IMMP2L: variants seen among roughly 807,000 people sequenced by gnomAD.
The protein encoded by IMMP2L is inner mitochondrial membrane peptidase subunit 2.
A neutral mutation model predicts 19.3 loss-of-function variants in IMMP2L; 18 were observed. That is an observed-to-expected ratio of 0.93 (90% CI 0.64 to 1.38). IMMP2L has a LOEUF of 1.38. Among genes scored for constraint, IMMP2L ranks in the 40% most tolerant of loss-of-function variants. The probability of loss-of-function intolerance (pLI) is 0.00; values close to 1 mark genes in which losing one functional copy is unlikely to be tolerated. For synonymous variants in IMMP2L, 76 were observed against 73.0 expected (o/e 1.04, Z -0.21); for missense variants, 233 against 218.2 (o/e 1.07, Z -0.43).
chr7:111,227,798 A>G lies in IMMP2L; in HGVS notation c.239+259440T>C, dbSNP rs114730560. Among the ~76,000 whole-genome samples the G allele has an allele frequency of 5.5e-3, 839 of 152,296 alleles. 13 individuals carry two copies. Among genetic ancestry groups the G allele is most frequent in the African/African-American group, 0.018 (769 of 41,572 alleles). On this transcript the variant is annotated intron_variant, in intron 3 of 5. Transcript: ENST00000405709. ...TTATCAATAAAGAATTCCTAGAAACAGAATTCTGGCATCTACAAAAAATAT... is the reference window on the plus strand; with the variant it reads ...TTATCAATAAAGAATTCCTAGAAACGGAATTCTGGCATCTACAAAAAATAT...
At chr7:110,672,048 C>T (rs1791958518) in intron 5 of IMMP2L, among the ~76,000 whole-genome samples, 2 of 151,996 alleles carry the variant, frequency 1.3e-5, no homozygotes, top group Middle Eastern at 3.2e-3. Context: ...AAAAGATTTT[C>T]AGAACTTGTA....
intron 3 of IMMP2L, chr7:111,483,488 C>T (rs1399518868): frequency 6.6e-6 from 1 of 152,014 alleles, no homozygotes; most frequent in African/African-American, 2.4e-5. Flanking sequence ...TTTTGTGCAA[C>T]CAATAATGTT....
At chr7:111,336,685 T>C (rs1370098964) in intron 3 of IMMP2L, among the ~76,000 whole-genome samples, 1 of 152,056 alleles carries the variant, frequency 6.6e-6, no homozygotes, top group African/African-American at 2.4e-5. Context: ...AATTTCTTGC[T>C]CTTTCTCAAT....
chr7:111,183,301 T>C (rs2129611447), intron 3 of IMMP2L, among the ~76,000 whole-genome samples: 1 of 152,238 alleles, frequency 6.6e-6, no homozygotes, highest in Non-Finnish European at 1.5e-5. Context: ...TGTAAGCCTT[T>C]ATAAGGGATA....
At chr7:111,485,140 G>A (rs1842521658) in intron 3 of IMMP2L, among the ~76,000 whole-genome samples, 1 of 151,850 alleles carries the variant, frequency 6.6e-6, no homozygotes, top group Non-Finnish European at 1.5e-5. Context: ...CAGATTTTTT[G>A]TTTCTTTCTC....
intron 3 of IMMP2L, among the ~76,000 whole-genome samples, chr7:110,990,906 A>T (rs898110465): frequency 6.6e-6 from 1 of 152,234 alleles, no homozygotes; most frequent in Non-Finnish European, 1.5e-5. Flanking sequence ...GGCCAAGAAT[A>T]AACCTCATAT....
chr7:111,263,135 G>C (rs1166941117), intron 3 of IMMP2L, among the ~76,000 whole-genome samples: 1 of 152,040 alleles, frequency 6.6e-6, no homozygotes, highest in Non-Finnish European at 1.5e-5. Context: ...AAATATTGAA[G>C]GGTTTGGAGT....
intron 4 of IMMP2L, among the ~76,000 whole-genome samples, chr7:110,921,935 C>T (rs1319358083): frequency 3.9e-5 from 6 of 152,140 alleles, no homozygotes; most frequent in Non-Finnish European, 7.4e-5. Context: ...ATTATCTTTT[C>T]TTGCAGTGGC....
chr7:110,931,673 T>A (rs1055343163), intron 4 of IMMP2L, among the ~76,000 whole-genome samples: 1 of 152,260 alleles, frequency 6.6e-6, no homozygotes, highest in Admixed American at 6.5e-5. Context: ...CTGGTGCCAA[T>A]GATCACTTAA....
At chr7:111,237,450 C>A (rs551798135) in intron 3 of IMMP2L, among the ~76,000 whole-genome samples, 7 of 151,948 alleles carry the variant, frequency 4.6e-5, no homozygotes, top group African/African-American at 1.7e-4. Context: ...TAATTTGTTT[C>A]TTTCAAAAAG....
At chr7:110,853,214 T>C (rs1416290369) in intron 5 of IMMP2L, among the ~76,000 whole-genome samples, 4 of 151,760 alleles carry the variant, frequency 2.6e-5, no homozygotes, top group African/African-American at 9.7e-5. Flanking sequence ...CAAAAAATCA[T>C]GATGTTAGGC....
chr7:111,136,972 GGTTGAAAGGTGGTTAGCTTGCT>G (rs1173154607), intron 3 of IMMP2L, among the ~76,000 whole-genome samples: 4 of 152,236 alleles, frequency 2.6e-5, no homozygotes, highest in Admixed American at 6.5e-5. Flanking sequence ...CAAATTGAAA[GGTTGAAAGGTGGTTAGCTTGCT>G]GTTGAAAGGT....
At chr7:111,058,976 T>TTTTA (rs958973948) in intron 3 of IMMP2L, among the ~76,000 whole-genome samples, 18 of 152,142 alleles carry the variant, frequency 1.2e-4, no homozygotes, top group East Asian at 1.2e-3. Context: ...TTTTTTAACT[T>TTTTA]TTTATTTATT....
intron 3 of IMMP2L, among the ~76,000 whole-genome samples, chr7:111,241,778 A>C (rs985492121): frequency 3.3e-5 from 5 of 151,606 alleles, no homozygotes; most frequent in African/African-American, 4.8e-5. Flanking sequence ...AAATTACCAG[A>C]TTTTCTCTGT....
At chr7:111,053,696 G>A (rs535748717) in intron 3 of IMMP2L, among the ~76,000 whole-genome samples, 40 of 152,226 alleles carry the variant, frequency 2.6e-4, no homozygotes, top group African/African-American at 9.4e-4. Context: ...ACTGTAACAA[G>A]AGGACATACA....
At chr7:111,306,163 T>C (rs908389600) in intron 3 of IMMP2L, among the ~76,000 whole-genome samples, 1 of 152,138 alleles carries the variant, frequency 6.6e-6, no homozygotes, top group Admixed American at 6.6e-5. Context: ...ATTTTAATCA[T>C]CAAAAAAATT....
chr7:110,987,857 A>G lies in IMMP2L; in HGVS notation c.240-24292T>C, dbSNP rs547604409. On this transcript the variant is annotated intron_variant, in intron 3 of 5. Transcript: ENST00000405709. ...AATATTAATTAAAATTGCATTTGTT[A>G]CTGTCTCAGCTTAAGGTCTTGAATC... Among the ~76,000 whole-genome samples the G allele has an allele frequency of 2.0e-5, 3 of 152,302 alleles. No homozygotes were observed. In the South Asian group the frequency reaches 6.2e-4, roughly 32 times the overall value.
At chr7:111,008,060 C>T (rs1308124418) in intron 3 of IMMP2L, among the ~76,000 whole-genome samples, 1 of 152,100 alleles carries the variant, frequency 6.6e-6, no homozygotes, top group Non-Finnish European at 1.5e-5. Context: ...TCCACCACTA[C>T]TGGTCTGAGC....
At chr7:110,849,019 C>A (rs969498930) in intron 5 of IMMP2L, among the ~76,000 whole-genome samples, 1 of 152,020 alleles carries the variant, frequency 6.6e-6, no homozygotes, top group Non-Finnish European at 1.5e-5. Context: ...ATTTGTCAAA[C>A]CCATAGAATG....
Sources: allele counts gnomAD v4.1 joint callset (sites outside exome capture counted in the v4.1 genomes callset), GRCh38; gene constraint gnomAD v4.1.1; transcripts MANE v1.5; gene names NCBI Gene and HGNC (gene_info 2026-07-23, HGNC 2026-07-21).